DENND1A: variants seen among roughly 807,000 people sequenced by gnomAD.
The protein encoded by DENND1A is DENN domain containing 1A.
In DENND1A, 51 loss-of-function variants were observed where a neutral mutation model predicts 113.7. The ratio of observed to expected loss-of-function variants is 0.45; its 90% confidence interval spans 0.36 to 0.57. The LOEUF (loss-of-function observed/expected upper bound fraction) is 0.57, where lower values mean the gene tolerates loss of function less well. Among genes scored for constraint, DENND1A ranks in the 20% least tolerant of loss-of-function variants. The pLI is 0.00. For synonymous variants in DENND1A, 565 were observed against 570.8 expected, an observed-to-expected ratio of 0.99 and a Z score of 0.14; for missense variants, 1,258 against 1,395.9, an observed-to-expected ratio of 0.90 and a Z score of 1.57.
intron 20 of DENND1A, among the ~76,000 whole-genome samples, chr9:123,406,311 T>C (rs987914814): frequency 3.3e-5 from 5 of 152,170 alleles, no homozygotes; most frequent in African/African-American, 1.2e-4. Flanking sequence ...TCTTCATCTG[T>C]GGGGTGATTG....
chr9:123,590,181 C>T (rs1206296098), intron 11 of DENND1A, among the ~76,000 whole-genome samples: 1 of 152,178 alleles, frequency 6.6e-6, no homozygotes. Flanking sequence ...CCTCCCATGA[C>T]CTGTGCTCCC....
chr9:123,746,845 T>C (rs2069553486), intron 5 of DENND1A, among the ~76,000 whole-genome samples: 1 of 152,130 alleles, frequency 6.6e-6, no homozygotes, highest in Non-Finnish European at 1.5e-5. Context: ...TCAATAAGGA[T>C]AATCAATATT....
chr9:123,854,159 C>A (rs2133188259), intron 2 of DENND1A, among the ~76,000 whole-genome samples: 1 of 152,280 alleles, frequency 6.6e-6, no homozygotes, highest in Middle Eastern at 3.4e-3. Flanking sequence ...TCATTTTGAG[C>A]AAGATCATTC....
chr9:123,807,223 T>G (rs1188609427), intron 2 of DENND1A, among the ~76,000 whole-genome samples: 2 of 152,232 alleles, frequency 1.3e-5, no homozygotes, highest in African/African-American at 4.8e-5. Flanking sequence ...TGGCCTTATA[T>G]TCTGAATTTT....
chr9:123,450,125 G>T (rs1001188770), intron 18 of DENND1A, among the ~76,000 whole-genome samples: 3 of 150,924 alleles, frequency 2.0e-5, no homozygotes, highest in African/African-American at 7.3e-5. Context: ...TTTTACTGAC[G>T]GCTGGTGAAG....
chr9:123,749,667 T>C (rs2069832196), intron 5 of DENND1A, among the ~76,000 whole-genome samples: 1 of 152,212 alleles, frequency 6.6e-6, no homozygotes, highest in Admixed American at 6.5e-5. Context: ...CCAGAGTTAG[T>C]CTATCCATGT....
chr9:123,584,430 C>T (rs1393974890), intron 11 of DENND1A, among the ~76,000 whole-genome samples: 4 of 152,184 alleles, frequency 2.6e-5, no homozygotes, highest in Non-Finnish European at 5.9e-5. Context: ...CACGTGCCTG[C>T]CGAGTGGCAC....
At chr9:123,643,342 G>A (rs905107850) in intron 9 of DENND1A, among the ~76,000 whole-genome samples, 9 of 152,142 alleles carry the variant, frequency 5.9e-5, no homozygotes, top group Non-Finnish European at 8.8e-5. Flanking sequence ...TAATTAGGTC[G>A]TGGTCTTGCC....
chr9:123,753,925 C>T (rs1324673900), intron 5 of DENND1A, among the ~76,000 whole-genome samples: 1 of 152,164 alleles, frequency 6.6e-6, no homozygotes, highest in Non-Finnish European at 1.5e-5. Flanking sequence ...AAAGCAGAGA[C>T]TGTTGAGTGG....
intron 5 of DENND1A, among the ~76,000 whole-genome samples, chr9:123,737,218 A>G (rs1165596643): frequency 6.6e-6 from 1 of 152,192 alleles, no homozygotes; most frequent in East Asian, 1.9e-4. Flanking sequence ...TTTAAGAGAC[A>G]GGGTCTCACT....
At chr9:123,673,484 G>A (rs534770156) in intron 6 of DENND1A, among the ~76,000 whole-genome samples, 35 of 152,252 alleles carry the variant, frequency 2.3e-4, no homozygotes, top group African/African-American at 7.7e-4. Context: ...GATATTTCAG[G>A]TTCATCTTAT....
chr9:123,831,852 G>A (rs775627299), intron 2 of DENND1A, among the ~76,000 whole-genome samples: 1 of 152,066 alleles, frequency 6.6e-6, no homozygotes, highest in African/African-American at 2.4e-5. Context: ...GCATGGTGGT[G>A]AGTGCCTGTA....
At chr9:123,758,763 A>T (rs1011762561) in intron 4 of DENND1A, among the ~76,000 whole-genome samples, 10 of 152,188 alleles carry the variant, frequency 6.6e-5, no homozygotes, top group Non-Finnish European at 1.3e-4. Context: ...ATTTTTAAAA[A>T]TTTTAAAAAC....
intron 13 of DENND1A, among the ~76,000 whole-genome samples, chr9:123,503,684 A>G (rs1290976082): frequency 1.3e-5 from 2 of 152,196 alleles, no homozygotes; most frequent in Non-Finnish European, 2.9e-5. Flanking sequence ...TTCTGATACT[A>G]TGACATCCTC....
At chr9:123,454,661 G>T in intron 16 of DENND1A, 78 bp downstream of exon 16, 2 of 1,403,750 alleles carry the variant, frequency 1.4e-6, no homozygotes, top group South Asian at 1.2e-5. Flanking sequence ...AGGATGGAAG[G>T]GGAAGCACAG....
At chr9:123,900,578 G>A (rs920388759) in intron 1 of DENND1A, among the ~76,000 whole-genome samples, 5 of 152,204 alleles carry the variant, frequency 3.3e-5, no homozygotes, top group Admixed American at 6.5e-5. Flanking sequence ...GTGTGATTAA[G>A]GTGAGAGGTG....
chr9:123,685,477 C>T (rs1298742302), intron 5 of DENND1A, among the ~76,000 whole-genome samples: 1 of 152,096 alleles, frequency 6.6e-6, no homozygotes, highest in Admixed American at 6.5e-5. Flanking sequence ...TGAAGAAACA[C>T]CAAAAACTCC....
chr9:123,409,240 G>A lies in DENND1A; in HGVS notation c.1542+2536C>T, dbSNP rs1218504194. Among the ~76,000 whole-genome samples the A allele has an allele frequency of 2.0e-5, 3 of 152,016 alleles. No homozygotes were observed. In the East Asian group the frequency reaches 5.8e-4, roughly 29 times the overall value. On this transcript the variant is annotated intron_variant, in intron 20 of 23. Transcript: ENST00000394215. ...CTGCCAGACCTAACATGGCACTGGA[G>A]ATTCCACAGACAGTTCAGCTGCTAC...
At chr9:123,694,908 C>T (rs1314807956) in intron 5 of DENND1A, among the ~76,000 whole-genome samples, 1 of 152,090 alleles carries the variant, frequency 6.6e-6, no homozygotes, top group Non-Finnish European at 1.5e-5. Flanking sequence ...AGGGTATTGC[C>T]AAAAGAGATT....
Sources: gnomAD v4.1 joint callset for allele counts (sites outside exome capture counted in the v4.1 genomes callset) on GRCh38, gnomAD v4.1.1 for gene constraint, MANE v1.5 for transcripts, NCBI Gene and HGNC (gene_info 2026-07-23, HGNC 2026-07-21) for gene names.